Variants in OSBP observed in about 807,000 individuals in gnomAD.
OSBP encodes the protein oxysterol binding protein.
A neutral mutation model predicts 96.6 loss-of-function variants in OSBP; 32 were observed. That is an observed-to-expected ratio of 0.33 (90% CI 0.25 to 0.45). OSBP has a LOEUF of 0.45. Among genes scored for constraint, OSBP ranks in the 20% least tolerant of loss-of-function variants. The pLI is 1.00. For synonymous variants in OSBP, 369 were observed against 389.6 expected, an observed-to-expected ratio of 0.95 and a Z score of 0.62; for missense variants, 653 against 1,029.7, an observed-to-expected ratio of 0.63 and a Z score of 5.01.
intron 7 of OSBP, chr11:59,594,957 G>C (rs1860630091): frequency 6.5e-6 from 1 of 154,488 alleles, no homozygotes; most frequent in Admixed American, 6.5e-5. Context: ...GGGGGCTTCT[G>C]TTGGGGGAGA....
Position 59,578,302 on chromosome 11 carries a change from C to T in OSBP, c.1907G>A (p.Gly636Glu). The change falls in exon 12 of 14, where the codon GGA becomes GAA. Residue 636 changes from glycine to glutamate, a missense_variant. This residue lies in a region of OSBP where 169 missense variants were observed against 251.5 expected (regional missense o/e 0.67). Transcript: ENST00000263847. ...CCCCAGAAGAGCAAAGTGGACTTTT[C>T]CTGATGGATCTGTCACTTCCCCCGT... ...KVTGEVTDPS[G>E]KVHFALLGTW... The T allele has an allele frequency of 6.2e-7, 1 of 1,614,192 alleles. No individual in the cohort carries two copies. The highest frequency in any genetic ancestry group is 8.5e-7 in the Non-Finnish European group (1 of 1,180,028).
intron 1 of OSBP, among the ~76,000 whole-genome samples, chr11:59,610,996 G>A (rs903290080): frequency 1.3e-5 from 2 of 151,790 alleles, no homozygotes; most frequent in Non-Finnish European, 2.9e-5. Flanking sequence ...TTAGCCAGGC[G>A]TGCGGGTGTG....
intron 2 of OSBP, among the ~76,000 whole-genome samples, 162 bp from the exon 3 acceptor site, chr11:59,608,896 C>T (rs575046585): frequency 6.6e-6 from 1 of 152,266 alleles, no homozygotes; most frequent in South Asian, 2.1e-4. Context: ...GTGTGGTCCA[C>T]AGATCACCTG....
At chr11:59,584,309 C>T (rs1860467512) in intron 9 of OSBP, among the ~76,000 whole-genome samples, 1 of 152,122 alleles carries the variant, frequency 6.6e-6, no homozygotes, top group Admixed American at 6.5e-5. Flanking sequence ...CACTCCCTGA[C>T]ACTAAAGCCA....
Position 59,594,232 on chromosome 11 carries a change from G to T in OSBP, c.1335C>A (p.Ser445=). The change falls in exon 8 of 14, where the codon TCC becomes TCA. Residue 445 remains serine (S), a synonymous_variant. Coordinates refer to ENST00000263847, the MANE Select transcript of OSBP (RefSeq NM_002556.3). The part of the protein sequence containing the change: ...PMPVNFNEPL[S]MLQRLTEDLE... ...GATCTTCAGTAAGGCGCTGAAGCAT[G>T]GACAAGGGCTCATTAAAGTTTACCT... 3 of 1,614,000 alleles carry T rather than the reference G, an allele frequency of 1.9e-6. No individual in the cohort carries two copies. The highest frequency in any genetic ancestry group is 1.7e-6 in the Non-Finnish European group (2 of 1,179,906).
At chr11:59,604,278 T>C (rs1860753686) in intron 3 of OSBP, among the ~76,000 whole-genome samples, 1 of 152,148 alleles carries the variant, frequency 6.6e-6, no homozygotes, top group Non-Finnish European at 1.5e-5. Flanking sequence ...AAGCTGGGCA[T>C]GGTAGCTCAC....
intron 2 of OSBP, among the ~76,000 whole-genome samples, chr11:59,609,577 C>T (rs1032163215): frequency 3.3e-5 from 5 of 151,670 alleles, no homozygotes; most frequent in Admixed American, 6.6e-5. Context: ...AAACAATTTA[C>T]AAACCAGTGA....
At chr11:59,593,855 CT>C (rs1251308339) in intron 8 of OSBP, 131 bp from the exon 9 acceptor site, 1 of 1,418,964 alleles carries the variant, frequency 7.0e-7, no homozygotes, top group East Asian at 2.4e-5. Context: ...ATCCCAGAAC[CT>C]CCAGGGTCTC....
At chr11:59,592,316 T>C (rs2134662261) in intron 9 of OSBP, among the ~76,000 whole-genome samples, 1 of 152,358 alleles carries the variant, frequency 6.6e-6, no homozygotes, top group South Asian at 2.1e-4. Flanking sequence ...ATTTCTTTTC[T>C]CCCTTTACAT....
chr11:59,610,663 A>AT, intron 1 of OSBP, 74 bp from the exon 2 acceptor site: 1 of 1,223,822 alleles, frequency 8.2e-7, no homozygotes, highest in Non-Finnish European at 1.2e-6. Flanking sequence ...ATTTCTTTTC[A>AT]TAACTCTGAG....
Position 59,600,488 on chromosome 11 carries a change from A to G in OSBP, c.1311+8T>C. 9.3e-6 allele frequency: 15 copies of G among 1,613,714 alleles called. No homozygotes were observed. Among genetic ancestry groups the G allele is most frequent in the Non-Finnish European group, 1.3e-5 (15 of 1,179,796 alleles). ...CCTGGCAGCAGCTCCAGTGTGCAAG[A>G]ACCTTACCGGCATGGGGATCTTAGA... On this transcript the variant is annotated splice_region_variant and intron_variant, in intron 7 of 13. Coordinates refer to ENST00000263847, the MANE Select transcript of OSBP (RefSeq NM_002556.3).
intron 1 of OSBP, among the ~76,000 whole-genome samples, chr11:59,610,939 G>C (rs1202119968): frequency 6.6e-6 from 1 of 151,752 alleles, no homozygotes; most frequent in African/African-American, 2.4e-5. Flanking sequence ...TTCCAGACCG[G>C]CCTGGCTAAC....
chr11:59,600,764 C>T, intron 6 of OSBP, 55 bp downstream of exon 6: 1 of 1,477,474 alleles, frequency 6.8e-7, no homozygotes, highest in Non-Finnish European at 9.3e-7. Context: ...AAAAAAAATC[C>T]TTGGGAATCA....
At chr11:59,579,355 C>A (rs539448948) in intron 11 of OSBP, among the ~76,000 whole-genome samples, 8 of 146,478 alleles carry the variant, frequency 5.5e-5, no homozygotes, top group African/African-American at 2.0e-4. Flanking sequence ...TTTTTTGAGA[C>A]GGCGTTTCTC....
rs764596509 is a variant in OSBP, at chr11:59,583,634, G to GTT, written c.1679-2082_1679-2081dup. On this transcript the variant is annotated intron_variant, in intron 9 of 13. Transcript: ENST00000263847. ...CCACCTAAACATATTCTAAATCTCTGTTTTTTTTTTTTTTTTTTTTTTTTT... is the reference window on the plus strand; with the variant it reads ...CCACCTAAACATATTCTAAATCTCTGTTTTTTTTTTTTTTTTTTTTTTTTTTT... Among the ~76,000 whole-genome samples, 124 of 64,316 alleles carry GTT rather than the reference G, an allele frequency of 1.9e-3. 19 individuals carry two copies. The highest frequency in any genetic ancestry group is 5.1e-3 in the African/African-American group (79 of 15,496). 42.2% of individuals were successfully genotyped at this position (64,316 alleles called of 152,430 possible). A position where few individuals can be genotyped will look rare whatever the true frequency, so the allele number is the denominator to read the frequency against.
intron 3 of OSBP, 62 bp from the exon 4 acceptor site, chr11:59,601,900 G>C (rs1360882162): frequency 2.0e-6 from 3 of 1,471,336 alleles, no homozygotes; most frequent in Non-Finnish European, 2.8e-6. Context: ...TCAGGCTTCT[G>C]CAAGCCCATT....
At chr11:59,612,056 T>C (rs896976272) in intron 1 of OSBP, among the ~76,000 whole-genome samples, 12 of 152,202 alleles carry the variant, frequency 7.9e-5, no homozygotes, top group African/African-American at 2.9e-4. Context: ...CATTTCCCTT[T>C]CAGTGGAGTC....
chr11:59,590,952 T>G (rs1288479397), intron 9 of OSBP, among the ~76,000 whole-genome samples: 1 of 152,200 alleles, frequency 6.6e-6, no homozygotes. Flanking sequence ...AATCTCCCCA[T>G]GAAGATGGGG....
chr11:59,600,477 C>T lies in OSBP; in HGVS notation c.1311+19G>A. 2 of 1,612,526 alleles carry T rather than the reference C, an allele frequency of 1.2e-6. No homozygotes were observed. The highest frequency in any genetic ancestry group is 1.7e-6 in the Non-Finnish European group (2 of 1,179,300). ...TGAGAGGAACTCCTGGCAGCAGCTC[C>T]AGTGTGCAAGAACCTTACCGGCATG... On this transcript the variant is annotated intron_variant, in intron 7 of 13. Coordinates refer to ENST00000263847, the MANE Select transcript of OSBP (RefSeq NM_002556.3).
Sources: gnomAD v4.1 joint callset for allele counts (sites outside exome capture counted in the v4.1 genomes callset) on GRCh38, gnomAD v4.1.1 for gene constraint, gnomAD v4.1.1 regional missense constraint, MANE v1.5 for transcripts, NCBI Gene and HGNC (gene_info 2026-07-23, HGNC 2026-07-21) for gene names.